Variants in MALRD1 observed in about 807,000 individuals in gnomAD.
MALRD1 encodes the protein MAM and LDL receptor class A domain containing 1.
A neutral mutation model predicts 242.1 loss-of-function variants in MALRD1; 247 were observed. The observed-to-expected ratio is 1.02, with a 90% CI of 0.92 to 1.13. MALRD1 has a LOEUF of 1.13. MALRD1 is among the 50% of genes most tolerant of loss of function. MALRD1 has a pLI of 0.00. For missense variants in MALRD1, 2,989 were observed against 2,533.1 expected (o/e 1.18, Z -3.86); for synonymous variants, 995 against 866.6 (o/e 1.15, Z -2.60).
intron 8 of MALRD1, among the ~76,000 whole-genome samples, chr10:19,133,420 G>T (rs147469495): frequency 1.7e-3 from 253 of 152,242 alleles, no homozygotes; most frequent in African/African-American, 5.8e-3. Context: ...AAATTGTGCA[G>T]AAAATGCATC....
At chr10:19,705,134 C>G (rs1186993027) in intron 38 of MALRD1, among the ~76,000 whole-genome samples, 1 of 152,184 alleles carries the variant, frequency 6.6e-6, no homozygotes, top group African/African-American at 2.4e-5. Context: ...CTATCAGACC[C>G]TTTCTCACTG....
chr10:19,450,224 A>T, intron 28 of MALRD1, 83 bp from the exon 29 acceptor site: 1 of 1,169,202 alleles, frequency 8.6e-7, no homozygotes, highest in Non-Finnish European at 1.2e-6. Context: ...TGCTTCTGAG[A>T]TAAATAACTG....
chr10:19,711,766 A>G (rs578243902), intron 38 of MALRD1, among the ~76,000 whole-genome samples: 2 of 152,326 alleles, frequency 1.3e-5, no homozygotes, highest in South Asian at 2.1e-4. Flanking sequence ...CAGAAAGCCA[A>G]TCACTGAGAC....
chr10:19,480,060 A>G (rs1270373013), intron 29 of MALRD1, among the ~76,000 whole-genome samples: 1 of 152,184 alleles, frequency 6.6e-6, no homozygotes, highest in Non-Finnish European at 1.5e-5. Flanking sequence ...CAGGACCCAA[A>G]ATAGCCATCC....
intron 19 of MALRD1, among the ~76,000 whole-genome samples, chr10:19,267,507 C>A: frequency 6.6e-6 from 1 of 151,974 alleles, no homozygotes; most frequent in East Asian, 1.9e-4. Context: ...GTCTCACCAG[C>A]TTTATTTACA....
At chr10:19,284,344 G>A (rs1369006956) in intron 21 of MALRD1, among the ~76,000 whole-genome samples, 1 of 150,140 alleles carries the variant, frequency 6.7e-6, no homozygotes, top group South Asian at 2.1e-4. Context: ...CTGGTGCGCT[G>A]CACCCACTAA....
Position 19,205,238 on chromosome 10 carries a change from G to A in MALRD1, c.2551G>A (p.Gly851Ser). Residue 851 changes from glycine to serine, a missense_variant, in exon 17 of 40, where the codon GGT becomes AGT. By Grantham distance (56) the Gly-to-Ser change is moderately conservative. Coordinates refer to ENST00000454679, the MANE Select transcript of MALRD1 (RefSeq NM_001142308.3). ...GTTATGTGATCTGGTGGATGACTGT[G>A]GTGATCGTACTGATGAAGTCAACTG... ...LRLCDLVDDC[G>S]DRTDEVNCAP... The A allele has an allele frequency of 5.2e-6, 8 of 1,550,638 alleles. No homozygotes were observed. The highest frequency in any genetic ancestry group is 7.0e-6 in the Non-Finnish European group (8 of 1,146,958).
At chr10:19,731,200 T>G (rs1835281381) in intron 39 of MALRD1, among the ~76,000 whole-genome samples, 1 of 152,174 alleles carries the variant, frequency 6.6e-6, no homozygotes, top group Non-Finnish European at 1.5e-5. Context: ...TTAGGGTGAC[T>G]AGTGAGGGCC....
intron 26 of MALRD1, among the ~76,000 whole-genome samples, chr10:19,386,860 T>C (rs1846103006): frequency 6.6e-6 from 1 of 152,140 alleles, no homozygotes; most frequent in Non-Finnish European, 1.5e-5. Flanking sequence ...CTAATAAATA[T>C]TAGCACTAGA....
intron 33 of MALRD1, among the ~76,000 whole-genome samples, chr10:19,587,366 G>T (rs12249318): frequency 2.0e-5 from 3 of 152,130 alleles, no homozygotes; most frequent in Non-Finnish European, 4.4e-5. Flanking sequence ...ATATCACTGC[G>T]TATGACAATG....
intron 13 of MALRD1, among the ~76,000 whole-genome samples, chr10:19,174,159 T>C (rs900244224): frequency 6.6e-6 from 1 of 152,096 alleles, no homozygotes; most frequent in East Asian, 1.9e-4. Context: ...TCAGCAAAGA[T>C]CTTTATGGGC....
chr10:19,677,749 A>G (rs896409229), intron 36 of MALRD1, among the ~76,000 whole-genome samples: 1 of 152,162 alleles, frequency 6.6e-6, no homozygotes, highest in Non-Finnish European at 1.5e-5. Context: ...GCCCATGCCT[A>G]TATCCTGAAT....
chr10:19,208,891 T>A (rs2358353), intron 17 of MALRD1, among the ~76,000 whole-genome samples: 2 of 152,158 alleles, frequency 1.3e-5, no homozygotes. Context: ...TGTTCCCTGG[T>A]GATTGGAACA....
At chr10:19,400,672 G>T (rs927490360) in intron 28 of MALRD1, among the ~76,000 whole-genome samples, 1 of 152,102 alleles carries the variant, frequency 6.6e-6, no homozygotes, top group African/African-American at 2.4e-5. Context: ...GTGTTTAGAA[G>T]AAATAAAAAA....
At chr10:19,530,000 A>T (rs573811238) in intron 31 of MALRD1, among the ~76,000 whole-genome samples, 2 of 152,026 alleles carry the variant, frequency 1.3e-5, no homozygotes, top group South Asian at 2.1e-4. Flanking sequence ...TATAAATTCA[A>T]TGCAATTCCA....
chr10:19,548,452 C>G (rs923095680), intron 32 of MALRD1, among the ~76,000 whole-genome samples: 1 of 151,974 alleles, frequency 6.6e-6, no homozygotes, highest in Non-Finnish European at 1.5e-5. Context: ...ATTAATTGCA[C>G]GCTTCTAACT....
At chr10:19,231,843 T>A (rs925229588) in intron 18 of MALRD1, among the ~76,000 whole-genome samples, 4 of 98,910 alleles carry the variant, frequency 4.0e-5, no homozygotes, top group African/African-American at 7.8e-5. Flanking sequence ...TCTGTTTTTG[T>A]TTTTTTTCTA....
intron 11 of MALRD1, among the ~76,000 whole-genome samples, chr10:19,151,467 C>T (rs1833940302): frequency 1.3e-5 from 2 of 152,048 alleles, no homozygotes; most frequent in African/African-American, 4.8e-5. Context: ...ATTATTTTGT[C>T]TGCAAATAAT....
At chr10:19,299,134 A>C (rs1168357827) in intron 21 of MALRD1, among the ~76,000 whole-genome samples, 3 of 152,018 alleles carry the variant, frequency 2.0e-5, no homozygotes, top group Non-Finnish European at 4.4e-5. Context: ...ATAAATGTAC[A>C]AATTAATTTA....
Sources: gnomAD v4.1 joint callset for allele counts (sites outside exome capture counted in the v4.1 genomes callset) on GRCh38, gnomAD v4.1.1 for gene constraint, MANE v1.5 for transcripts, NCBI Gene and HGNC (gene_info 2026-07-23, HGNC 2026-07-21) for gene names.